Variants in MYH9 observed in about 807,000 individuals in gnomAD.
The protein encoded by MYH9 is myosin-9.
A neutral mutation model predicts 241.9 loss-of-function variants in MYH9; 29 were observed. The ratio of observed to expected loss-of-function variants is 0.12; its 90% confidence interval spans 0.09 to 0.16. The LOEUF is 0.16. MYH9 is among the 10% of genes least tolerant of loss of function. The probability of loss-of-function intolerance (pLI) is 1.00; values close to 1 mark genes in which losing one functional copy is unlikely to be tolerated. For synonymous variants in MYH9, 1,047 were observed against 1,062.6 expected (o/e 0.99, Z 0.29); for missense variants, 1,803 against 2,595.5 (o/e 0.69, Z 6.63).
chr22:36,307,831 T>C (rs1603483181), intron 15 of MYH9, among the ~76,000 whole-genome samples: 1 of 149,886 alleles, frequency 6.7e-6, no homozygotes, highest in South Asian at 2.1e-4. Context: ...GAGGTTGCAG[T>C]GAGCCGAGAT....
intron 3 of MYH9, among the ~76,000 whole-genome samples, chr22:36,335,647 G>A (rs1372877865): frequency 6.6e-6 from 1 of 152,230 alleles, no homozygotes; most frequent in Admixed American, 6.5e-5. Context: ...GGAGAATGTG[G>A]AGAGAAGGAA....
intron 1 of MYH9, among the ~76,000 whole-genome samples, chr22:36,353,987 A>G (rs1313665744): frequency 1.3e-5 from 2 of 151,780 alleles, no homozygotes; most frequent in Non-Finnish European, 2.9e-5. Flanking sequence ...TGCAACCTCC[A>G]TCTCCTGGGT....
At chr22:36,350,509 C>T (rs6000249) in intron 1 of MYH9, among the ~76,000 whole-genome samples, 4,568 of 152,244 alleles carry the variant, frequency 0.03, 226 homozygotes, top group African/African-American at 0.1. Context: ...GGCACTCCAG[C>T]CTGGGCAACA....
chr22:36,321,916 T>C, intron 6 of MYH9, 95 bp from the exon 7 acceptor site: 4 of 1,123,894 alleles, frequency 3.6e-6, no homozygotes, highest in Non-Finnish European at 5.4e-6. Context: ...CCACCTCCGG[T>C]GGGCACAGCT....
intron 3 of MYH9, among the ~76,000 whole-genome samples, chr22:36,338,759 G>A (rs191278719): frequency 1.3e-5 from 2 of 150,762 alleles, no homozygotes; most frequent in African/African-American, 4.9e-5. Context: ...GGCGGAGCCC[G>A]CAATGAGCCG....
chr22:36,309,135 C>T, intron 15 of MYH9, 147 bp downstream of exon 15: 2 of 772,526 alleles, frequency 2.6e-6, no homozygotes, highest in Non-Finnish European at 4.5e-6. Context: ...AGCCCTCTCT[C>T]ATGGGAGCTA....
intron 1 of MYH9, among the ~76,000 whole-genome samples, chr22:36,375,173 C>T (rs879838967): frequency 6.6e-5 from 10 of 152,138 alleles, no homozygotes; most frequent in East Asian, 1.9e-4. Context: ...AGATGAAGGA[C>T]GAAAGGAACC....
chr22:36,331,960 T>C (rs1313255875), intron 3 of MYH9, among the ~76,000 whole-genome samples: 1 of 152,258 alleles, frequency 6.6e-6, no homozygotes, highest in African/African-American at 2.4e-5. Flanking sequence ...GGGAGTCTTC[T>C]GCTTTCAGGG....
chr22:36,334,038 C>T (rs1332193743), intron 3 of MYH9, among the ~76,000 whole-genome samples: 1 of 152,056 alleles, frequency 6.6e-6, no homozygotes, highest in Non-Finnish European at 1.5e-5. Flanking sequence ...CTTTTTATCT[C>T]CCGCTCAGTG....
In MYH9 at chr22:36,306,013, C is replaced by T. The variant is rs1285940254; in HGVS notation, c.2076G>A (p.Leu692=). Residue 692 remains leucine, a synonymous_variant, in exon 17 of 41, where the codon CTG becomes CTA. Transcript: ENST00000216181. This position sits in a 1 kb window ranked among gnomAD's most constrained non-coding sequence, Gnocchi z 4.1. ...KLDPHLVLDQ[L]RCNGVLEGIR... is the part of the protein sequence containing the mutation. ...TGCCCTCGAGAACACCGTTGCAGCG[C>T]AGCTGGTCCAGCACGAGATGCGGGT... 1 of 1,613,362 alleles carries T rather than the reference C, an allele frequency of 6.2e-7. No individual in the cohort carries two copies.
chr22:36,362,923 C>T (rs1274248099), intron 1 of MYH9, among the ~76,000 whole-genome samples: 1 of 152,118 alleles, frequency 6.6e-6, no homozygotes, highest in Non-Finnish European at 1.5e-5. Context: ...TATAACCCCA[C>T]CCCAATGCCT....
intron 13 of MYH9, among the ~76,000 whole-genome samples, chr22:36,313,516 G>C (rs1307208302): frequency 1.4e-5 from 2 of 146,644 alleles, no homozygotes; most frequent in Admixed American, 6.8e-5. Flanking sequence ...CTTCATTACA[G>C]ATCATACCCT....
chr22:36,382,659 C>T (rs2018277553), intron 1 of MYH9, among the ~76,000 whole-genome samples: 2 of 151,034 alleles, frequency 1.3e-5, no homozygotes, highest in Non-Finnish European at 2.9e-5. Context: ...AAAAACTAGC[C>T]GGGTGTGGTG....
At chr22:36,353,368 C>CT (rs1011826087) in intron 1 of MYH9, among the ~76,000 whole-genome samples, 28 of 149,870 alleles carry the variant, frequency 1.9e-4, no homozygotes, top group African/African-American at 4.6e-4. Context: ...CTCTTTGAAA[C>CT]TTTTTTTTTT....
intron 1 of MYH9, among the ~76,000 whole-genome samples, chr22:36,370,509 C>T (rs2018073377): frequency 6.6e-6 from 1 of 152,200 alleles, no homozygotes; most frequent in Non-Finnish European, 1.5e-5. Context: ...TGAAGCAGTC[C>T]GCTGGGAACA....
Position 36,318,233 on chromosome 22 carries a change from C to T in MYH9, c.1201G>A (p.Val401Ile), listed in dbSNP as rs369581570. Residue 401 changes from valine to isoleucine, a missense_variant, in exon 11 of 41, where the codon GTC (valine) becomes ATC (isoleucine). Around this residue, in one of 11 missense-constraint regions of MYH9, gnomAD observed 222 missense variants for 359.9 expected, o/e 0.62. Coordinates refer to ENST00000216181, the MANE Select transcript of MYH9 (RefSeq NM_002473.6). ...TGCTCTTTAGTCTGCGCCTTCTGGA[C>T]GTAATCCCGTCCCACCTTGATGCGC... ...TPRIKVGRDY[V>I]QKAQTKEQAD... 2.2e-5 allele frequency: 35 copies of T among 1,613,762 alleles called. No individual in the cohort carries two copies. In the Admixed American group the frequency reaches 2.3e-4, roughly 11 times the overall value.
Position 36,321,827 on chromosome 22 carries a change from T to C in MYH9, c.706-6A>G. ...TTGATGCGAATGAATTTGCCCTAAG[T>C]AAGAAAGGATAGCAAGAGATCAGAG... is the stretch of plus-strand genomic sequence containing the variant. On this transcript the variant is annotated splice_region_variant and splice_polypyrimidine_tract_variant and intron_variant, in intron 6 of 40. Coordinates refer to ENST00000216181, the MANE Select transcript of MYH9 (RefSeq NM_002473.6). 2 of 1,613,332 alleles carry C rather than the reference T, an allele frequency of 1.2e-6. No individual in the cohort carries two copies. Among genetic ancestry groups the C allele is most frequent in the South Asian group, 2.2e-5 (2 of 91,064 alleles).
intron 1 of MYH9, among the ~76,000 whole-genome samples, chr22:36,367,897 G>A (rs1373929581): frequency 1.3e-5 from 2 of 152,108 alleles, no homozygotes; most frequent in African/African-American, 2.4e-5. Flanking sequence ...ATACAGACTT[G>A]CACACACACA....
intron 35 of MYH9, 129 bp from the exon 36 acceptor site, chr22:36,286,082 A>C: frequency 1.1e-6 from 1 of 937,888 alleles, no homozygotes; most frequent in Non-Finnish European, 1.7e-6. Context: ...TTCCTCCAGA[A>C]ACCCTCTAGC....
Sources: allele counts gnomAD v4.1 joint callset (sites outside exome capture counted in the v4.1 genomes callset), GRCh38; gene constraint gnomAD v4.1.1; regional missense constraint gnomAD v4.1.1; non-coding constraint Gnocchi (gnomAD v3.1); transcripts MANE v1.5; gene names NCBI Gene and HGNC (gene_info 2026-07-23, HGNC 2026-07-21).